The following TMEM201 variants were observed in gnomAD, a reference collection of about 807,000 sequenced individuals.
TMEM201 encodes the protein transmembrane protein 201, also known as RP13-15M17.2.
Under a neutral mutation model 63.4 loss-of-function variants are expected in TMEM201, and 26 were observed. That is an observed-to-expected ratio of 0.41 (90% CI 0.30 to 0.57). The LOEUF (loss-of-function observed/expected upper bound fraction) is 0.57. TMEM201 is among the 20% of genes least tolerant of loss of function. The pLI is 0.29. For synonymous variants in TMEM201, 417 were observed against 421.6 expected (o/e 0.99, Z 0.14); for missense variants, 794 against 917.7 (o/e 0.87, Z 1.74).
At chr1:9,601,058 TG>T in intron 4 of TMEM201, 46 bp from the exon 5 acceptor site, 1 of 1,504,914 alleles carries the variant, frequency 6.6e-7, no homozygotes, top group Non-Finnish European at 9.1e-7. Context: ...TGGCTGGGGG[TG>T]GCTCTGTGGC....
intron 6 of TMEM201, 50 bp downstream of exon 6, chr1:9,602,322 C>T (rs780632776): frequency 6.3e-7 from 1 of 1,597,170 alleles, no homozygotes; most frequent in South Asian, 1.1e-5. Context: ...GATGCTCAGG[C>T]CCAGGCTTTG....
Position 9,610,920 on chromosome 1 carries a change from A to G in TMEM201, c.1765+115A>G. 1 of 1,491,098 alleles carries G rather than the reference A, an allele frequency of 6.7e-7. No individual in the cohort carries two copies. Among genetic ancestry groups the G allele is most frequent in the Non-Finnish European group, 9.0e-7 (1 of 1,114,526 alleles). The allele number at this position is 1,491,098 out of a possible 1,614,324, so 92.4% of individuals were successfully genotyped here. A position where few individuals can be genotyped will look rare whatever the true frequency, so the allele number is the denominator to read the frequency against. On this transcript the variant is annotated intron_variant, in intron 9 of 10. Transcript: ENST00000340381. This position sits in a 1 kb window ranked among gnomAD's most constrained non-coding sequence, Gnocchi z 4.9. ...CTCTGACTCCGGTGTGCGCCTTCCC[A>G]CCCTGGAGCTCTAGGCACCCCATTC...
intron 3 of TMEM201, among the ~76,000 whole-genome samples, chr1:9,597,413 G>A (rs879205816): frequency 1.2e-4 from 19 of 152,348 alleles, no homozygotes; most frequent in Admixed American, 1.2e-3. Flanking sequence ...GTGGGGCCCT[G>A]TTGGACCCAC....
At chr1:9,591,818 C>T (rs867714018) in intron 1 of TMEM201, among the ~76,000 whole-genome samples, 1 of 152,244 alleles carries the variant, frequency 6.6e-6, no homozygotes, top group Admixed American at 6.5e-5. Flanking sequence ...CCTGAGCAAC[C>T]GCCGCACCCC....
At chr1:9,592,188 C>T (rs922960565) in intron 1 of TMEM201, among the ~76,000 whole-genome samples, 1 of 152,092 alleles carries the variant, frequency 6.6e-6, no homozygotes, top group African/African-American at 2.4e-5. Flanking sequence ...ATGCTTCTGT[C>T]GCTGAAGCCC....
Position 9,613,526 on chromosome 1 carries a change from AC to A in TMEM201, c.*445del, listed in dbSNP as rs1247969559. The stretch of plus-strand genomic sequence containing the variant: ...GTACTCCCCTGTCTCACCTGGGGCA[AC>A]CTCAGAGCCCCACTAAGCTGAAGGC... On this transcript the variant is annotated 3_prime_UTR_variant, in exon 11 of 11. Transcript: ENST00000340381. The A allele has an allele frequency of 5.9e-6, 1 of 168,090 alleles. No homozygotes were observed. 10.4% of individuals were successfully genotyped at this position (168,090 alleles called of 1,614,324 possible).
At position 9,588,943 on chromosome 1, in the gene TMEM201, A is replaced by G; in HGVS notation, c.13A>G (p.Ser5Gly). 5.5e-6 allele frequency: 7 copies of G among 1,281,176 alleles called. No homozygotes were observed. Among genetic ancestry groups the G allele is most frequent in the Non-Finnish European group, 6.0e-6 (6 of 995,122 alleles). The allele number at this position is 1,281,176 out of a possible 1,614,324, so 79.4% of individuals were successfully genotyped here. A position where few individuals can be genotyped will look rare whatever the true frequency, so the allele number is the denominator to read the frequency against. Residue 5 changes from serine (S) to glycine (G), a missense_variant, in exon 1 of 11, where the codon AGC becomes GGC. Physicochemically the swap from Ser to Gly is moderately conservative, Grantham distance 56. Transcript: ENST00000340381. ...CACGCGGAGAGCCATGGAGGGAGTGAGCGCGCTGCTGGCCCGCTGCCCCAC... is the reference window on the plus strand; with the variant it reads ...CACGCGGAGAGCCATGGAGGGAGTGGGCGCGCTGCTGGCCCGCTGCCCCAC... MEGV[S>G]ALLARCPTAG...
Position 9,608,468 on chromosome 1 carries a change from C to T in TMEM201, c.1393+679C>T, listed in dbSNP as rs1167405379. Among the ~76,000 whole-genome samples the T allele has an allele frequency of 6.6e-6, 1 of 152,206 alleles. No individual in the cohort carries two copies. Among genetic ancestry groups the T allele is most frequent in the Non-Finnish European group, 1.5e-5 (1 of 68,042 alleles). On this transcript the variant is annotated intron_variant, in intron 7 of 10. Transcript: ENST00000340381. This position sits in a 1 kb window ranked among gnomAD's most constrained non-coding sequence, Gnocchi z 4.3. ...AGGCCCCTCTCCTCTCGTGCAGTTA[C>T]AGGGCAGGCCATTTTGTACACACGC...
chr1:9,590,461 C>T (rs1225295736), intron 1 of TMEM201, among the ~76,000 whole-genome samples: 2 of 152,134 alleles, frequency 1.3e-5, no homozygotes, highest in African/African-American at 2.4e-5. Context: ...ACAGCACCTC[C>T]GTTGTGTTTA....
At chr1:9,589,257 G>A (rs1411691165) in intron 1 of TMEM201, among the ~76,000 whole-genome samples, 2 of 151,484 alleles carry the variant, frequency 1.3e-5, no homozygotes, top group Non-Finnish European at 3.0e-5. Flanking sequence ...CTCCGGGAAC[G>A]TGGGGCGCGG....
At chr1:9,596,058 C>T in intron 2 of TMEM201, 48 bp downstream of exon 2, 1 of 1,595,734 alleles carries the variant, frequency 6.3e-7, no homozygotes, top group Non-Finnish European at 8.5e-7. Flanking sequence ...GGGTGGGGAT[C>T]TTGAGATTTG....
At chr1:9,594,795 T>G (rs1643985118) in intron 1 of TMEM201, among the ~76,000 whole-genome samples, 1 of 152,126 alleles carries the variant, frequency 6.6e-6, no homozygotes, top group Admixed American at 6.5e-5. Flanking sequence ...AAGCCGGGGG[T>G]GCTGTGGTTG....
chr1:9,608,079 A>C lies in TMEM201; in HGVS notation c.1393+290A>C, dbSNP rs1644273243. The stretch of plus-strand genomic sequence containing the variant: ...ATAGGGAGACGCTGTCTCTACAAAA[A>C]AAGTTGTTTTAATTAACTGGGCATG... On this transcript the variant is annotated intron_variant, in intron 7 of 10. Transcript: ENST00000340381. This position sits in a 1 kb window ranked among gnomAD's most constrained non-coding sequence, Gnocchi z 4.3. Among the ~76,000 whole-genome samples the C allele has an allele frequency of 6.6e-6, 1 of 152,180 alleles. No individual in the cohort carries two copies. Among genetic ancestry groups the C allele is most frequent in the East Asian group, 1.9e-4 (1 of 5,198 alleles).
At chr1:9,606,001 C>T (rs1644235996) in intron 6 of TMEM201, among the ~76,000 whole-genome samples, 2 of 152,210 alleles carry the variant, frequency 1.3e-5, no homozygotes, top group South Asian at 4.1e-4. Context: ...CACAGGAAGC[C>T]TAGCGCAGAG....
chr1:9,589,805 C>T (rs546395959), intron 1 of TMEM201, among the ~76,000 whole-genome samples: 3 of 152,214 alleles, frequency 2.0e-5, no homozygotes, highest in Admixed American at 6.5e-5. Context: ...TCCACCTTTC[C>T]AGAGGGCAGG....
At position 9,607,641 on chromosome 1, in the gene TMEM201, G is replaced by T; in HGVS notation, c.1245G>T (p.Ala415=). The part of the protein sequence containing the change: ...IPHPSVGGSP[A]SLFIPSPPSF... The stretch of plus-strand genomic sequence containing the variant: ...ACCCGAGTGTCGGAGGCTCTCCAGC[G>T]TCTCTGTTCATCCCCAGCCCGCCCA... Residue 415 remains alanine (A), a synonymous_variant, in exon 7 of 11, where the codon GCG becomes GCT. Transcript: ENST00000340381. This position sits in a 1 kb window ranked among gnomAD's most constrained non-coding sequence, Gnocchi z 5.4. The T allele has an allele frequency of 1.9e-6, 3 of 1,551,804 alleles. No individual in the cohort carries two copies. The highest frequency in any genetic ancestry group is 2.6e-6 in the Non-Finnish European group (3 of 1,147,070).
chr1:9,593,056 G>A (rs1169043728), intron 1 of TMEM201, among the ~76,000 whole-genome samples: 1 of 152,240 alleles, frequency 6.6e-6, no homozygotes, highest in South Asian at 2.1e-4. Context: ...TTGTTGGCTT[G>A]CAGAAGAGAA....
rs1644282456 is a variant in TMEM201, at chr1:9,608,843, G to C, written c.1394-997G>C. 6.6e-6 allele frequency among the ~76,000 whole-genome samples: 1 copy of C among 152,226 alleles called. No individual in the cohort carries two copies. On this transcript the variant is annotated intron_variant, in intron 7 of 10. Coordinates refer to ENST00000340381, the MANE Select transcript of TMEM201 (RefSeq NM_001130924.3). This position sits in a 1 kb window ranked among gnomAD's most constrained non-coding sequence, Gnocchi z 4.3. ...GTCTGAGGTAGCAGCAGAGGTCTTGGGGCGCAAGCTTGTCTTGGAGTGTCC... is the reference window on the plus strand; with the variant it reads ...GTCTGAGGTAGCAGCAGAGGTCTTGCGGCGCAAGCTTGTCTTGGAGTGTCC...
rs975079876 is a variant in TMEM201, at chr1:9,610,366, G to A, written c.1466-140G>A. 5.6e-6 allele frequency: 5 copies of A among 890,596 alleles called. No homozygotes were observed. The highest frequency in any genetic ancestry group is 5.1e-5 in the African/African-American group (3 of 59,318). 55.2% of individuals were successfully genotyped at this position (890,596 alleles called of 1,614,324 possible). On this transcript the variant is annotated intron_variant, in intron 8 of 10. Coordinates refer to ENST00000340381, the MANE Select transcript of TMEM201 (RefSeq NM_001130924.3). This position sits in a 1 kb window ranked among gnomAD's most constrained non-coding sequence, Gnocchi z 4.9. Reference sequence around the variant, plus strand: ...CCTCTCCTCCTTCAGCTTTGCAGCAGGACTTCCCCCTGTCCCCAGTCTCTG... The same window carrying A: ...CCTCTCCTCCTTCAGCTTTGCAGCAAGACTTCCCCCTGTCCCCAGTCTCTG...
Sources: gnomAD v4.1 joint callset for allele counts (sites outside exome capture counted in the v4.1 genomes callset) on GRCh38, gnomAD v4.1.1 for gene constraint, Gnocchi (gnomAD v3.1) non-coding constraint, MANE v1.5 for transcripts, NCBI Gene and HGNC (gene_info 2026-07-23, HGNC 2026-07-21) for gene names.